Variants in PHLPP1 observed in about 807,000 individuals in gnomAD.
PHLPP1 encodes PH domain and leucine rich repeat protein phosphatase 1.
Under a neutral mutation model 117.2 loss-of-function variants are expected in PHLPP1, and 42 were observed. The ratio of observed to expected loss-of-function variants is 0.36; its 90% CI spans 0.28 to 0.46. PHLPP1 has a LOEUF of 0.46. PHLPP1 is among the 20% of genes least tolerant of loss of function. PHLPP1 has a pLI of 1.00. For synonymous variants in PHLPP1, 1,042 were observed against 970.7 expected, an observed-to-expected ratio of 1.07 and a Z score of -1.37; for missense variants, 2,084 against 2,241.9, an observed-to-expected ratio of 0.93 and a Z score of 1.42.
chr18:62,945,415 C>T (rs987237432), intron 12 of PHLPP1, 144 bp downstream of exon 12: 1 of 619,046 alleles, frequency 1.6e-6, no homozygotes, highest in Non-Finnish European at 2.6e-6. Flanking sequence ...TCCTTCCTAA[C>T]CAATGGGCTA....
In PHLPP1 at chr18:62,717,220, A is replaced by T; in HGVS notation, c.1537A>T (p.Met513Leu). The change falls in exon 1 of 17, where the codon ATG becomes TTG. Residue 513 changes from methionine to leucine, a missense_variant. This residue lies in a region of PHLPP1 where 1,365 missense variants were observed against 1,605.9 expected (regional missense o/e 0.85). Transcript: ENST00000262719. ...GCTGTGGAGGGTGCAGGAGGAAGGC[A>T]TGGACTCGGAGATTGGCTGCCTCAT... ...GELWRVQEEG[M>L]DSEIGCLIRF... The T allele has an allele frequency of 6.2e-7, 1 of 1,605,222 alleles. No homozygotes were observed. The highest frequency in any genetic ancestry group is 8.5e-7 in the Non-Finnish European group (1 of 1,174,268).
chr18:62,872,650 C>T (rs1176661497), intron 4 of PHLPP1, among the ~76,000 whole-genome samples: 1 of 151,454 alleles, frequency 6.6e-6, no homozygotes, highest in Admixed American at 6.6e-5. Flanking sequence ...AGAGATCGCG[C>T]CACTGGACTC....
intron 3 of PHLPP1, among the ~76,000 whole-genome samples, chr18:62,840,970 A>G (rs1163027402): frequency 2.0e-5 from 3 of 152,022 alleles, no homozygotes; most frequent in African/African-American, 7.3e-5. Flanking sequence ...GGTCACTACA[A>G]CCTCCACCTC....
chr18:62,777,395 G>C (rs1912992669), intron 1 of PHLPP1, among the ~76,000 whole-genome samples: 1 of 151,906 alleles, frequency 6.6e-6, no homozygotes, highest in African/African-American at 2.4e-5. Flanking sequence ...TTGTTATTGA[G>C]TTGTGAAAGT....
chr18:62,741,167 A>C (rs1232712115), intron 1 of PHLPP1, among the ~76,000 whole-genome samples: 2 of 152,226 alleles, frequency 1.3e-5, no homozygotes, highest in Admixed American at 6.5e-5. Context: ...GCTAAACAGC[A>C]GTAAGAGTGG....
intron 1 of PHLPP1, among the ~76,000 whole-genome samples, chr18:62,808,565 T>TTGTTTTTTTTTTTTA (rs1914020711): frequency 1.3e-5 from 2 of 150,800 alleles, no homozygotes; most frequent in Non-Finnish European, 3.0e-5. Context: ...TTGTTTTTTT[T>TTGTTTTTTTTTTTTA]TTTTGAGACG....
intron 1 of PHLPP1, among the ~76,000 whole-genome samples, chr18:62,795,115 A>G (rs1913586810): frequency 6.6e-6 from 1 of 152,108 alleles, no homozygotes; most frequent in African/African-American, 2.4e-5. Context: ...TAGGCTGTGC[A>G]GTTCTCGTAG....
chr18:62,877,642 TG>T (rs1271107884), intron 4 of PHLPP1, among the ~76,000 whole-genome samples: 1 of 152,238 alleles, frequency 6.6e-6, no homozygotes, highest in Non-Finnish European at 1.5e-5. Context: ...TTCCCAGAAC[TG>T]GAAGTTCCTT....
intron 2 of PHLPP1, among the ~76,000 whole-genome samples, chr18:62,833,599 T>C (rs1914810726): frequency 6.6e-6 from 1 of 152,200 alleles, no homozygotes; most frequent in South Asian, 2.1e-4. Flanking sequence ...AGTTTTACCG[T>C]GTATCTATAT....
chr18:62,958,594 C>G (rs371443851), intron 12 of PHLPP1, 35 bp from the exon 13 acceptor site: 1 of 1,610,826 alleles, frequency 6.2e-7, no homozygotes, highest in Non-Finnish European at 8.5e-7. Flanking sequence ...TTCTCTAGAC[C>G]ATCTCTTTCT....
intron 1 of PHLPP1, among the ~76,000 whole-genome samples, chr18:62,759,751 C>T (rs530030929): frequency 1.4e-4 from 22 of 152,270 alleles, no homozygotes; most frequent in African/African-American, 4.8e-4. Flanking sequence ...CAGTTAAGAG[C>T]GGGTTTTGCC....
chr18:62,828,008 T>G (rs1230003307), intron 1 of PHLPP1, among the ~76,000 whole-genome samples: 1 of 146,668 alleles, frequency 6.8e-6, no homozygotes, highest in Non-Finnish European at 1.5e-5. Context: ...TTCTTTGCAT[T>G]TGTGTGTGTG....
chr18:62,931,599 CAA>C (rs35511144), intron 10 of PHLPP1, among the ~76,000 whole-genome samples: 2 of 141,538 alleles, frequency 1.4e-5, no homozygotes, highest in African/African-American at 2.6e-5. Flanking sequence ...GCTAGATTAA[CAA>C]AAAAAAAAAA....
At chr18:62,739,227 C>T (rs1911451772) in intron 1 of PHLPP1, among the ~76,000 whole-genome samples, 1 of 152,162 alleles carries the variant, frequency 6.6e-6, no homozygotes, top group African/African-American at 2.4e-5. Context: ...TAGGAAGCAA[C>T]TCCGAAGAAT....
intron 1 of PHLPP1, among the ~76,000 whole-genome samples, chr18:62,796,648 A>G (rs1277704162): frequency 1.3e-5 from 2 of 152,206 alleles, no homozygotes; most frequent in African/African-American, 4.8e-5. Context: ...TAGAATAGAA[A>G]AAGTTCAGTT....
chr18:62,836,356 T>C (rs908431536), intron 2 of PHLPP1, among the ~76,000 whole-genome samples: 3 of 151,206 alleles, frequency 2.0e-5, no homozygotes, highest in Admixed American at 6.6e-5. Context: ...CGCTTGAACC[T>C]GGGAGGCAGA....
chr18:62,730,740 C>T (rs550046320), intron 1 of PHLPP1, among the ~76,000 whole-genome samples: 17 of 149,000 alleles, frequency 1.1e-4, no homozygotes, highest in African/African-American at 2.5e-4. Flanking sequence ...TGCAGTGAGC[C>T]GAGATCGTGC....
At chr18:62,794,188 C>T (rs1224238072) in intron 1 of PHLPP1, among the ~76,000 whole-genome samples, 1 of 151,796 alleles carries the variant, frequency 6.6e-6, no homozygotes, top group Non-Finnish European at 1.5e-5. Flanking sequence ...ATATATCTAT[C>T]CCCCCCGAAA....
chr18:62,797,207 C>T (rs73465080), intron 1 of PHLPP1, among the ~76,000 whole-genome samples: 1,564 of 152,148 alleles, frequency 0.01, 39 homozygotes, highest in African/African-American at 0.035. Flanking sequence ...ATTCCTTTTC[C>T]GAAAGATGTT....
Sources: allele counts gnomAD v4.1 joint callset (sites outside exome capture counted in the v4.1 genomes callset), GRCh38; gene constraint gnomAD v4.1.1; regional missense constraint gnomAD v4.1.1; transcripts MANE v1.5; gene names NCBI Gene and HGNC (gene_info 2026-07-23, HGNC 2026-07-21).